RAD52: variants seen among roughly 807,000 people sequenced by gnomAD.
The protein encoded by RAD52 is RAD52 DNA repair protein.
RAD52 carries 47 observed loss-of-function variants against 55.5 expected under a neutral mutation model. The ratio of observed to expected loss-of-function variants is 0.85; its 90% confidence interval spans 0.67 to 1.08. The LOEUF (loss-of-function observed/expected upper bound fraction) is 1.08, where lower values mean the gene tolerates loss of function less well. Among genes scored for constraint, RAD52 ranks in the 50% least tolerant of loss-of-function variants. The pLI is 0.00. For missense variants in RAD52, 468 were observed against 522.8 expected, an observed-to-expected ratio of 0.90 and a Z score of 1.02; for synonymous variants, 184 against 198.9, an observed-to-expected ratio of 0.92 and a Z score of 0.63.
intron 1 of RAD52, among the ~76,000 whole-genome samples, chr12:970,986 A>G (rs6489773): frequency 0.99 from 150,701 of 152,316 alleles, 74,569 homozygotes; most frequent in East Asian, 1. Flanking sequence ...AAGAGTCAAA[A>G]TGTATGTATA....
At chr12:931,151 A>C (rs1430822666) in intron 3 of RAD52, 69 bp downstream of exon 3, 2 of 1,276,332 alleles carry the variant, frequency 1.6e-6, no homozygotes, top group African/African-American at 2.9e-5. Flanking sequence ...GGACCCAGAG[A>C]GGGAACTGGC....
intron 1 of RAD52, among the ~76,000 whole-genome samples, chr12:959,178 T>C (rs948546928): frequency 1.3e-5 from 2 of 152,228 alleles, no homozygotes; most frequent in African/African-American, 2.4e-5. Flanking sequence ...AAAAGGATTC[T>C]AAGAACCGGC....
At chr12:970,690 A>G (rs972406658) in intron 1 of RAD52, among the ~76,000 whole-genome samples, 4 of 152,158 alleles carry the variant, frequency 2.6e-5, no homozygotes, top group Non-Finnish European at 5.9e-5. Context: ...ATTTGGGAGG[A>G]GGTGGTTACA....
At position 929,823 on chromosome 12, in the gene RAD52, A is replaced by G. The variant is rs1434550391; in HGVS notation, c.344T>C (p.Leu115Pro). Reference sequence around the variant, plus strand: ...AGGTCTACTCCATCCCCTCACCTTCAGCTGGACCCTCACAAATGCACAGAC... The same window carrying G: ...AGGTCTACTCCATCCCCTCACCTTCGGCTGGACCCTCACAAATGCACAGAC... ...VGVCAFVRVQ[L>P]KDGSYHEDVG... is the part of the protein sequence containing the mutation. The change falls in exon 5 of 12, where the codon CTG becomes CCG. Residue 115 changes from leucine to proline, a missense_variant. By Grantham distance (98) the Leu-to-Pro change is moderately conservative. Coordinates refer to ENST00000358495, the MANE Select transcript of RAD52 (RefSeq NM_134424.4). The G allele has an allele frequency of 6.2e-7, 1 of 1,613,556 alleles. No individual in the cohort carries two copies.
chr12:922,133 A>G (rs1177099649), intron 7 of RAD52, among the ~76,000 whole-genome samples: 1 of 2,408 alleles, frequency 4.2e-4, no homozygotes, highest in Non-Finnish European at 1.7e-3. Flanking sequence ...AACATCACTA[A>G]TCATCAGGGG....
intron 1 of RAD52, among the ~76,000 whole-genome samples, chr12:945,142 G>C (rs1358468511): frequency 6.6e-6 from 1 of 152,100 alleles, no homozygotes; most frequent in East Asian, 1.9e-4. Flanking sequence ...CCTGAGGTCA[G>C]GAGTTCAAGA....
At chr12:967,252 G>A (rs546806442) in intron 1 of RAD52, among the ~76,000 whole-genome samples, 13 of 151,838 alleles carry the variant, frequency 8.6e-5, no homozygotes, top group African/African-American at 2.9e-4. Flanking sequence ...GGTGGCGCCT[G>A]CCTGTAGTCA....
At chr12:970,210 GGGGGGT>G (rs1958824741) in intron 1 of RAD52, among the ~76,000 whole-genome samples, 1 of 151,440 alleles carries the variant, frequency 6.6e-6, no homozygotes, top group Non-Finnish European at 1.5e-5. Context: ...GGGTGGGGCA[GGGGGGT>G]GCTGAGGCAG....
chr12:927,300 A>G (rs1416953738), intron 5 of RAD52, 37 bp from the exon 6 acceptor site: 1 of 1,479,610 alleles, frequency 6.8e-7, no homozygotes, highest in Non-Finnish European at 9.4e-7. Context: ...CAAACACGAG[A>G]GCGGCAGGCG....
At position 916,340 on chromosome 12, in the gene RAD52, T is replaced by C. The variant is rs987122790; in HGVS notation, c.865+4A>G. On this transcript the variant is annotated splice_donor_region_variant and intron_variant, in intron 9 of 11. Coordinates refer to ENST00000358495, the MANE Select transcript of RAD52 (RefSeq NM_134424.4). ...CCAGGGCCCTGCTCCCACCCCTCGC[T>C]CACCCTCACTCTTCTCAGCTGACGG... 2.4e-5 allele frequency: 39 copies of C among 1,604,548 alleles called. No homozygotes were observed. Among genetic ancestry groups the C allele is most frequent in the Non-Finnish European group, 3.2e-5 (38 of 1,179,876 alleles).
At chr12:923,352 G>A (rs947470971) in intron 7 of RAD52, among the ~76,000 whole-genome samples, 1 of 151,578 alleles carries the variant, frequency 6.6e-6, no homozygotes, top group Non-Finnish European at 1.5e-5. Context: ...CCAGCCCTGA[G>A]AAATTCTGTC....
Position 969,381 on chromosome 12 carries a change from G to A in RAD52, c.-19+20428C>T, listed in dbSNP as rs117561576. ...TTTATTTAGATGAGACTTTGGTGGG[G>A]CTGCACTAATTGTATTATATTTGTC... On this transcript the variant is annotated intron_variant, in intron 1 of 11. Transcript: ENST00000430095. 7.3e-3 allele frequency among the ~76,000 whole-genome samples: 1,105 copies of A among 152,098 alleles called. 6 individuals carry two copies. The highest frequency in any genetic ancestry group is 0.01 in the Non-Finnish European group (700 of 68,018).
intron 7 of RAD52, among the ~76,000 whole-genome samples, chr12:920,978 C>T (rs939372222): frequency 4.6e-5 from 7 of 152,036 alleles, no homozygotes; most frequent in Non-Finnish European, 1.0e-4. Context: ...AACTAGAAAT[C>T]AACAGCAAAA....
intron 1 of RAD52, among the ~76,000 whole-genome samples, chr12:936,240 G>T (rs1487517912): frequency 6.6e-6 from 1 of 151,864 alleles, no homozygotes. Context: ...GGAGGCGGAG[G>T]TTGCAGTGAG....
At position 933,135 on chromosome 12, in the gene RAD52, G is replaced by A. The variant is rs1434950798; in HGVS notation, c.-18-59C>T. The A allele has an allele frequency of 6.5e-6, 8 of 1,232,278 alleles. No individual in the cohort carries two copies. In the African/African-American group the frequency reaches 7.6e-5, roughly 12 times the overall value. The allele number at this position is 1,232,278 out of a possible 1,614,324, so 76.3% of individuals were successfully genotyped here. ...CCTCAAAGAATGTTTAAAGTAAAAG[G>A]CAAGAGCCTCTACTGAAAAATCACA... On this transcript the variant is annotated intron_variant, in intron 1 of 11. Transcript: ENST00000358495.
chr12:921,517 C>A (rs374854671), intron 7 of RAD52, among the ~76,000 whole-genome samples: 1 of 151,666 alleles, frequency 6.6e-6, no homozygotes, highest in African/African-American at 2.4e-5. Flanking sequence ...GAGGCTAAGG[C>A]AGGAGGATCA....
upstream of RAD52, among the ~76,000 whole-genome samples, chr12:951,347 A>G (rs565370741): frequency 6.6e-6 from 1 of 152,194 alleles, no homozygotes; most frequent in Admixed American, 6.5e-5. Flanking sequence ...CCTGGCCTCA[A>G]GCAATTCTCC....
chr12:955,457 G>A (rs901872427), intron 1 of RAD52, among the ~76,000 whole-genome samples: 1 of 139,898 alleles, frequency 7.1e-6, no homozygotes, highest in African/African-American at 2.7e-5. Context: ...GGACAGCAAC[G>A]TACTGTTCTT....
intron 5 of RAD52, 39 bp from the exon 6 acceptor site, chr12:927,302 C>T (rs764349346): frequency 2.8e-5 from 41 of 1,456,458 alleles, no homozygotes; most frequent in East Asian, 2.5e-4. Context: ...AACACGAGAG[C>T]GGCAGGCGTG....
Sources: gnomAD v4.1 joint callset for allele counts (sites outside exome capture counted in the v4.1 genomes callset) on GRCh38, gnomAD v4.1.1 for gene constraint, MANE v1.5 for transcripts, NCBI Gene and HGNC (gene_info 2026-07-23, HGNC 2026-07-21) for gene names.